FAM153A: variants seen among roughly 807,000 people sequenced by gnomAD.
FAM153A encodes the protein protein FAM153A.
A neutral mutation model predicts 48.1 loss-of-function variants in FAM153A; 12 were observed. The observed-to-expected ratio is 0.25, with a 90% CI of 0.16 to 0.40. The LOEUF (loss-of-function observed/expected upper bound fraction) is 0.40, where lower values mean the gene tolerates loss of function less well. Ranked by LOEUF, FAM153A falls within the 10% of genes least tolerant of loss-of-function variation. FAM153A has a pLI of 1.00. For synonymous variants in FAM153A, 36 were observed against 118.2 expected, an observed-to-expected ratio of 0.30 and a Z score of 4.51; for missense variants, 111 against 345.8, an observed-to-expected ratio of 0.32 and a Z score of 5.38.
intron 18 of FAM153A, among the ~76,000 whole-genome samples, chr5:177,725,717 A>C (rs1426077245): frequency 1.3e-5 from 2 of 151,696 alleles, no homozygotes; most frequent in African/African-American, 4.9e-5. Flanking sequence ...AAGACAAGTG[A>C]CTACTGTGCC....
At chr5:177,734,775 C>T (rs1363417649) in intron 13 of FAM153A, 88 bp downstream of exon 15, 35 of 1,609,694 alleles carry the variant, frequency 2.2e-5, no homozygotes, top group Non-Finnish European at 2.9e-5. Context: ...AGATATATAT[C>T]TTCAGATTCT....
the FAM153A span, among the ~76,000 whole-genome samples, chr5:177,702,657 G>C: frequency 2.0e-5 from 3 of 151,862 alleles, no homozygotes; most frequent in Admixed American, 1.3e-4. Flanking sequence ...ATGGTTTTCT[G>C]GGCCAGACCT....
At chr5:177,715,478 T>G (rs994959634) in intron 25 of FAM153A, among the ~76,000 whole-genome samples, 5 of 151,608 alleles carry the variant, frequency 3.3e-5, no homozygotes, top group African/African-American at 1.2e-4. Context: ...AGACAATATT[T>G]TATGAAATGG....
upstream of FAM153A, among the ~76,000 whole-genome samples, chr5:177,781,236 C>CT (rs1440034272): frequency 6.1e-5 from 7 of 115,698 alleles, no homozygotes; most frequent in East Asian, 1.7e-3. Flanking sequence ...GTAGCTGGGA[C>CT]TATGGGCGCC....
At chr5:177,735,368 C>T (rs904724710) in intron 12 of FAM153A, among the ~76,000 whole-genome samples, 2 of 110,862 alleles carry the variant, frequency 1.8e-5, no homozygotes, top group Non-Finnish European at 3.6e-5. Flanking sequence ...CTTTCTGGTA[C>T]AAGGCAAATA....
chr5:177,697,813 T>C, the FAM153A span, among the ~76,000 whole-genome samples: 8 of 151,748 alleles, frequency 5.3e-5, no homozygotes, highest in African/African-American at 1.9e-4. Flanking sequence ...TGGACACTTT[T>C]CCTACCTTGT....
chr5:177,725,880 CTTG>C (rs1762363255), intron 18 of FAM153A, among the ~76,000 whole-genome samples: 1 of 151,976 alleles, frequency 6.6e-6, no homozygotes, highest in Non-Finnish European at 1.5e-5. Context: ...AACAGCTAGA[CTTG>C]GGCCTCTCCA....
At chr5:177,768,309 A>T (rs1768868905) in intron 1 of FAM153A, among the ~76,000 whole-genome samples, 1 of 151,826 alleles carries the variant, frequency 6.6e-6, no homozygotes, top group African/African-American at 2.4e-5. Context: ...AAGCCCAGTC[A>T]CTTTGGGTCT....
chr5:177,734,301 A>G, intron 14 of FAM153A, 79 bp downstream of exon 16: 7 of 1,101,080 alleles, frequency 6.4e-6, no homozygotes, highest in Non-Finnish European at 8.5e-6. Context: ...GCCTGTCTAC[A>G]GGAAAGCCTG....
At chr5:177,710,073 T>A (rs1758273392), downstream of FAM153A, among the ~76,000 whole-genome samples, 1 of 149,822 alleles carries the variant, frequency 6.7e-6, no homozygotes, top group Non-Finnish European at 1.5e-5. Flanking sequence ...TTAAATATAG[T>A]CAATAACAAA....
rs1300381960 is a variant in FAM153A, at chr5:177,770,700, G to C, written c.-57+9749C>G. Among the ~76,000 whole-genome samples, 3 of 95,948 alleles carry C rather than the reference G, an allele frequency of 3.1e-5. 1 individual carries two copies. In the Admixed American group the frequency reaches 3.2e-4, roughly 10 times the overall value. The allele number at this position is 95,948 out of a possible 152,430, so 62.9% of individuals were successfully genotyped here. The stretch of plus-strand genomic sequence containing the variant: ...CATTATACATTTGTCCAAATTCACA[G>C]AATGTACAGTATTAAGAATGGAGCC... On this transcript the variant is annotated intron_variant, in intron 1 of 8. Coordinates refer to the FAM153A transcript ENST00000393518.
downstream of FAM153A, among the ~76,000 whole-genome samples, chr5:177,709,726 G>A (rs1375685018): frequency 1.7e-4 from 20 of 120,392 alleles, no homozygotes; most frequent in African/African-American, 5.7e-4. Context: ...GCCAGAGTGC[G>A]GTGGCACAAT....
At chr5:177,696,445 G>A in the FAM153A span, among the ~76,000 whole-genome samples, 1 of 151,946 alleles carries the variant, frequency 6.6e-6, no homozygotes, top group African/African-American at 2.4e-5. Flanking sequence ...TCACATCTCA[G>A]TTTTTGAGCT....
intron 14 of FAM153A, among the ~76,000 whole-genome samples, chr5:177,734,156 G>A (rs1382920019): frequency 8.4e-6 from 1 of 119,558 alleles, no homozygotes; most frequent in African/African-American, 2.9e-5. Flanking sequence ...CCCCTTGCAC[G>A]GGATCCCACC....
the FAM153A span, among the ~76,000 whole-genome samples, chr5:177,701,606 C>G: frequency 0.017 from 2,150 of 125,508 alleles, 95 homozygotes; most frequent in African/African-American, 0.058. Flanking sequence ...AAATTACCTA[C>G]TCTGAGGTAT....
At chr5:177,756,061 A>T (rs1290850322), upstream of FAM153A, among the ~76,000 whole-genome samples, 5 of 148,716 alleles carry the variant, frequency 3.4e-5, no homozygotes, top group Non-Finnish European at 7.4e-5. Flanking sequence ...AAGAGTCAAG[A>T]TCCATCAGTG....
chr5:177,737,621 A>G (rs1764880154), intron 10 of FAM153A, among the ~76,000 whole-genome samples: 2 of 151,336 alleles, frequency 1.3e-5, no homozygotes, highest in Admixed American at 6.6e-5. Context: ...CCCAGGTTCA[A>G]GTGATTCTCC....
chr5:177,702,041 G>A, the FAM153A span, among the ~76,000 whole-genome samples: 1 of 151,550 alleles, frequency 6.6e-6, no homozygotes, highest in African/African-American at 2.4e-5. Context: ...CCGAGTAGCT[G>A]GGACTACAGG....
intron 4 of FAM153A, among the ~76,000 whole-genome samples, chr5:177,746,635 C>T (rs1404318340): frequency 6.7e-6 from 1 of 149,252 alleles, no homozygotes; most frequent in Non-Finnish European, 1.5e-5. Context: ...GATATTTGTC[C>T]TTCTGCTCTT....
Sources: allele counts gnomAD v4.1 joint callset (sites outside exome capture counted in the v4.1 genomes callset), GRCh38; gene constraint gnomAD v4.1.1; transcripts MANE v1.5; gene names NCBI Gene and HGNC (gene_info 2026-07-23, HGNC 2026-07-21).